The following SGPP2 variants were observed in gnomAD, a reference collection of about 807,000 sequenced individuals.
The protein encoded by SGPP2 is sphingosine-1-phosphate phosphatase 2.
In SGPP2, 30 loss-of-function variants were observed where a neutral mutation model predicts 33.9. The ratio of observed to expected loss-of-function variants is 0.89; its 90% CI spans 0.66 to 1.20. The LOEUF (loss-of-function observed/expected upper bound fraction) is 1.20. Ranked by LOEUF, SGPP2 falls within the 50% of genes most tolerant of loss-of-function variation. The pLI is 0.00. For missense variants in SGPP2, 458 were observed against 532.1 expected (o/e 0.86, Z 1.37); for synonymous variants, 233 against 225.0 (o/e 1.04, Z -0.32).
chr2:222,489,633 C>A (rs1698167120), intron 2 of SGPP2, among the ~76,000 whole-genome samples: 1 of 151,984 alleles, frequency 6.6e-6, no homozygotes, highest in Non-Finnish European at 1.5e-5. Flanking sequence ...ACAGGGCAGT[C>A]AAAAGGGTGT....
At position 222,524,953 on chromosome 2, in the gene SGPP2, G is replaced by C. The variant is rs575662001; in HGVS notation, c.568G>C (p.Val190Leu). 1 of 1,613,784 alleles carries C rather than the reference G, an allele frequency of 6.2e-7. No homozygotes were observed. The highest frequency in any genetic ancestry group is 8.5e-7 in the Non-Finnish European group (1 of 1,179,876). The part of the protein sequence containing the change: ...STMDRYQYPF[V>L]LGLVMAVVFS... ...TCTCCTTCCCCCACAGTATCCATTT[G>C]TGTTGGGACTGGTGATGGCCGTGGT... Residue 190 changes from valine (V) to leucine (L), a missense_variant, in exon 4 of 5, where the codon GTG becomes CTG. Val to Leu is a conservative substitution (Grantham distance 32, BLOSUM62 1). Coordinates refer to ENST00000321276, the MANE Select transcript of SGPP2 (RefSeq NM_152386.4).
chr2:222,539,981 C>G (rs1451484820), intron 4 of SGPP2, among the ~76,000 whole-genome samples: 1 of 152,114 alleles, frequency 6.6e-6, no homozygotes, highest in Non-Finnish European at 1.5e-5. Context: ...ACAGAAAAGA[C>G]AAGAATGTGA....
At chr2:222,453,192 G>A in intron 1 of SGPP2, 2 of 778,238 alleles carry the variant, frequency 2.6e-6, no homozygotes, top group South Asian at 2.7e-5. Flanking sequence ...TTGCAAGGAT[G>A]GATAGTTTCT....
At chr2:222,433,094 A>G (rs796515240) in intron 1 of SGPP2, among the ~76,000 whole-genome samples, 4 of 140,250 alleles carry the variant, frequency 2.9e-5, no homozygotes, top group South Asian at 2.6e-4. Context: ...GAGAGGAGGG[A>G]AGGGGAGGGG....
chr2:222,485,757 G>C (rs941347860), intron 2 of SGPP2, among the ~76,000 whole-genome samples: 25 of 152,162 alleles, frequency 1.6e-4, no homozygotes, highest in African/African-American at 6.0e-4. Context: ...CTGTGTGAGT[G>C]ACAAGGAGCC....
chr2:222,498,028 G>A (rs1324421878), intron 2 of SGPP2, among the ~76,000 whole-genome samples: 1 of 152,104 alleles, frequency 6.6e-6, no homozygotes, highest in Non-Finnish European at 1.5e-5. Context: ...TGGTAGAAAT[G>A]ACTTTCTTCT....
chr2:222,487,776 G>A (rs1426881575), intron 2 of SGPP2, among the ~76,000 whole-genome samples: 1 of 152,158 alleles, frequency 6.6e-6, no homozygotes, highest in Non-Finnish European at 1.5e-5. Context: ...CAGCCCAGTG[G>A]TGGTGGGCTG....
intron 4 of SGPP2, among the ~76,000 whole-genome samples, chr2:222,526,213 CTAGA>C (rs57895974): frequency 0.31 from 47,831 of 151,942 alleles, 8,167 homozygotes; most frequent in Middle Eastern, 0.49. Flanking sequence ...CCATGATGAG[CTAGA>C]TAGTCAAATT....
chr2:222,484,211 T>C (rs1356237301), intron 2 of SGPP2, among the ~76,000 whole-genome samples: 4 of 152,182 alleles, frequency 2.6e-5, no homozygotes, highest in African/African-American at 9.7e-5. Context: ...ATGATTCTCT[T>C]TTTTTATGAT....
At chr2:222,464,206 A>T (rs1159611303) in intron 1 of SGPP2, among the ~76,000 whole-genome samples, 1 of 152,214 alleles carries the variant, frequency 6.6e-6, no homozygotes, top group African/African-American at 2.4e-5. Context: ...TTTGAAAAAC[A>T]GTTAAGTTCT....
In SGPP2 at chr2:222,475,599, C is replaced by G. The variant is rs373917128; in HGVS notation, c.378+873C>G. 4.6e-4 allele frequency among the ~76,000 whole-genome samples: 70 copies of G among 152,328 alleles called. 1 individual carries two copies. The highest frequency in any genetic ancestry group is 1.6e-3 in the African/African-American group (68 of 41,572). On this transcript the variant is annotated intron_variant, in intron 2 of 4. Coordinates refer to ENST00000321276, the MANE Select transcript of SGPP2 (RefSeq NM_152386.4). ...CAAAGCAGCTTCCTTGAGAGAACGT[C>G]TAGTGTAGCAGGAGCAGCTGCAAAT...
At chr2:222,431,433 G>A (rs1697153874) in intron 1 of SGPP2, among the ~76,000 whole-genome samples, 1 of 152,128 alleles carries the variant, frequency 6.6e-6, no homozygotes, top group African/African-American at 2.4e-5. Flanking sequence ...TTGAACCCGG[G>A]AGTTAGAGGT....
At chr2:222,488,984 G>T (rs925303229) in intron 2 of SGPP2, among the ~76,000 whole-genome samples, 18 of 152,132 alleles carry the variant, frequency 1.2e-4, no homozygotes, top group African/African-American at 4.3e-4. Flanking sequence ...CATTCTGAAG[G>T]TTTTCCAAAA....
chr2:222,529,114 A>G (rs543871662), intron 4 of SGPP2, among the ~76,000 whole-genome samples: 75 of 152,258 alleles, frequency 4.9e-4, no homozygotes, highest in Admixed American at 1.5e-3. Context: ...AAACCCTGCA[A>G]TTGCTTTATC....
rs1037670997 is a variant in SGPP2, at chr2:222,560,902, T to A, written c.*2004T>A. 1 of 152,068 alleles carries A rather than the reference T, an allele frequency of 6.6e-6. No homozygotes were observed. The highest frequency in any genetic ancestry group is 1.5e-5 in the Non-Finnish European group (1 of 68,040). 9.4% of individuals were successfully genotyped at this position (152,068 alleles called of 1,614,324 possible). ...GTGGGCGGACCACGAGGTCAGGAGA[T>A]CGAGACCATCCTGGCTAACACGGTA... is the stretch of plus-strand genomic sequence containing the variant. On this transcript the variant is annotated 3_prime_UTR_variant, in exon 5 of 5. Coordinates refer to ENST00000321276, the MANE Select transcript of SGPP2 (RefSeq NM_152386.4).
intron 2 of SGPP2, among the ~76,000 whole-genome samples, chr2:222,514,510 A>G (rs776238208): frequency 2.6e-5 from 4 of 152,210 alleles, no homozygotes; most frequent in Non-Finnish European, 5.9e-5. Context: ...CTAGTTCTTG[A>G]TAAAGTTCCA....
intron 1 of SGPP2, among the ~76,000 whole-genome samples, chr2:222,427,512 A>C (rs1266620156): frequency 1.3e-5 from 2 of 152,106 alleles, no homozygotes; most frequent in African/African-American, 2.4e-5. Flanking sequence ...TCTTGGCCTC[A>C]AGTGATCCTT....
chr2:222,492,154 C>T (rs556349531), intron 2 of SGPP2, among the ~76,000 whole-genome samples: 11 of 152,286 alleles, frequency 7.2e-5, no homozygotes, highest in Admixed American at 2.0e-4. Flanking sequence ...CATTCTGGGG[C>T]CTGGAGGACA....
chr2:222,465,856 G>A lies in SGPP2; in HGVS notation c.220-8712G>A, dbSNP rs929073794. ...TCACTAAGTGTTCTCTCTCTGACCC[G>A]CAGACCCTCAAAGAAGCAACACCTC... On this transcript the variant is annotated intron_variant, in intron 1 of 4. Coordinates refer to ENST00000321276, the MANE Select transcript of SGPP2 (RefSeq NM_152386.4). The surrounding 1 kb of genome is among the most constrained non-coding windows in gnomAD (Gnocchi z 4.1). Among the ~76,000 whole-genome samples the A allele has an allele frequency of 2.0e-5, 3 of 152,054 alleles. No homozygotes were observed. The highest frequency in any genetic ancestry group is 4.4e-5 in the Non-Finnish European group (3 of 68,014).
Sources: gnomAD v4.1 joint callset for allele counts (sites outside exome capture counted in the v4.1 genomes callset) on GRCh38, gnomAD v4.1.1 for gene constraint, Gnocchi (gnomAD v3.1) non-coding constraint, MANE v1.5 for transcripts, NCBI Gene and HGNC (gene_info 2026-07-23, HGNC 2026-07-21) for gene names.